Variants in EHBP1 observed in about 807,000 individuals in gnomAD.
The protein encoded by EHBP1 is EH domain binding protein 1.
A neutral mutation model predicts 144.0 loss-of-function variants in EHBP1; 55 were observed. That is an observed-to-expected ratio of 0.38 (90% CI 0.31 to 0.48). The LOEUF (loss-of-function observed/expected upper bound fraction) is 0.48. EHBP1 is among the 20% of genes least tolerant of loss of function. The pLI is 0.98. For missense variants in EHBP1, 1,200 were observed against 1,364.2 expected (o/e 0.88, Z 1.90); for synonymous variants, 469 against 472.7 (o/e 0.99, Z 0.10).
At position 62,920,134 on chromosome 2, in the gene EHBP1, A is replaced by C. The variant is rs544115600; in HGVS notation, c.1186-22584A>C. On this transcript the variant is annotated intron_variant, in intron 10 of 22. Transcript: ENST00000431489. ...ATGAATGTAAACATCTAAGATTAAC[A>C]AGTTCCAAGTAGGATGAACTCAAAA... 2.6e-5 allele frequency among the ~76,000 whole-genome samples: 4 copies of C among 152,308 alleles called. No individual in the cohort carries two copies. The East Asian group carries it at 7.7e-4, about 29-fold the overall frequency.
chr2:62,787,398 C>A (rs1362355615), intron 5 of EHBP1, among the ~76,000 whole-genome samples: 18 of 111,544 alleles, frequency 1.6e-4, no homozygotes, highest in South Asian at 8.4e-4. Context: ...ACCGCTGCCC[C>A]CCCCCCCCAC....
chr2:62,965,482 G>T (rs1388839798), intron 14 of EHBP1, among the ~76,000 whole-genome samples: 1 of 152,168 alleles, frequency 6.6e-6, no homozygotes, highest in East Asian at 1.9e-4. Flanking sequence ...TCACAAAGTA[G>T]ATATTCCCAT....
At chr2:62,842,534 C>G (rs1331637840) in intron 7 of EHBP1, among the ~76,000 whole-genome samples, 1 of 152,128 alleles carries the variant, frequency 6.6e-6, no homozygotes, top group African/African-American at 2.4e-5. Context: ...GACATTCAGA[C>G]CGTAATATAC....
At chr2:62,684,870 C>A (rs983424214) in intron 1 of EHBP1, among the ~76,000 whole-genome samples, 7 of 152,106 alleles carry the variant, frequency 4.6e-5, no homozygotes, top group African/African-American at 1.7e-4. Context: ...AACAAAGTAC[C>A]AAAAACTGGG....
chr2:62,939,367 T>A (rs976883029), intron 10 of EHBP1, among the ~76,000 whole-genome samples: 3 of 152,100 alleles, frequency 2.0e-5, no homozygotes, highest in African/African-American at 7.2e-5. Flanking sequence ...CTCTGCCTGC[T>A]GGTTCAAGCA....
At chr2:62,848,846 A>G (rs921864623) in intron 7 of EHBP1, among the ~76,000 whole-genome samples, 1 of 152,216 alleles carries the variant, frequency 6.6e-6, no homozygotes, top group African/African-American at 2.4e-5. Flanking sequence ...ATGGGTGTAT[A>G]TGTTTGTCAA....
intron 3 of EHBP1, among the ~76,000 whole-genome samples, chr2:62,748,924 A>G (rs1432686018): frequency 4.6e-5 from 7 of 152,174 alleles, no homozygotes; most frequent in African/African-American, 1.4e-4. Flanking sequence ...GATTTGATCA[A>G]TATGTATACT....
At chr2:62,900,311 C>G (rs1573968307) in intron 10 of EHBP1, among the ~76,000 whole-genome samples, 1 of 152,092 alleles carries the variant, frequency 6.6e-6, no homozygotes, top group Admixed American at 6.5e-5. Flanking sequence ...GGGAGGTTAT[C>G]TTACTTAAAA....
intron 5 of EHBP1, among the ~76,000 whole-genome samples, chr2:62,793,581 G>A (rs1458843098): frequency 6.6e-6 from 1 of 152,028 alleles, no homozygotes; most frequent in Non-Finnish European, 1.5e-5. Flanking sequence ...GGTGTGTGTG[G>A]TAAAAATGAA....
intron 2 of EHBP1, among the ~76,000 whole-genome samples, chr2:62,715,533 T>A (rs2035590848): frequency 6.6e-6 from 1 of 152,144 alleles, no homozygotes; most frequent in South Asian, 2.1e-4. Flanking sequence ...AAAGATTATA[T>A]TTTCCAGATT....
chr2:62,908,954 T>C (rs554650418), intron 10 of EHBP1, among the ~76,000 whole-genome samples: 2 of 152,346 alleles, frequency 1.3e-5, no homozygotes, highest in East Asian at 1.9e-4. Context: ...AATGTCTTAA[T>C]ACATTTTTGT....
chr2:62,880,642 A>G (rs747803099), intron 10 of EHBP1, among the ~76,000 whole-genome samples: 25 of 152,186 alleles, frequency 1.6e-4, no homozygotes, highest in Non-Finnish European at 1.2e-4. Context: ...CATCGAGTAT[A>G]TGAGAAAAAA....
chr2:62,930,507 T>G (rs1186076035), intron 10 of EHBP1, among the ~76,000 whole-genome samples: 1 of 152,200 alleles, frequency 6.6e-6, no homozygotes, highest in South Asian at 2.1e-4. Context: ...ATAATGTTTT[T>G]TGTAAAAATA....
At chr2:62,798,089 G>A (rs369759561) in intron 5 of EHBP1, among the ~76,000 whole-genome samples, 56 of 152,282 alleles carry the variant, frequency 3.7e-4, no homozygotes, top group South Asian at 6.2e-4. Flanking sequence ...AATAAAGGCC[G>A]GGTGTGGTGG....
intron 13 of EHBP1, among the ~76,000 whole-genome samples, chr2:62,949,922 C>G (rs893947725): frequency 2.6e-5 from 4 of 152,002 alleles, no homozygotes; most frequent in African/African-American, 9.7e-5. Context: ...GTTATGATAC[C>G]TGGTTTTCCT....
chr2:62,976,925 T>G (rs1240356094), intron 14 of EHBP1, among the ~76,000 whole-genome samples: 1 of 150,222 alleles, frequency 6.7e-6, no homozygotes, highest in Non-Finnish European at 1.5e-5. Flanking sequence ...AATTTCTGAG[T>G]TTTTTTTCCC....
At chr2:62,867,056 C>A (rs2050099296) in intron 9 of EHBP1, among the ~76,000 whole-genome samples, 1 of 151,950 alleles carries the variant, frequency 6.6e-6, no homozygotes. Flanking sequence ...AATGATACTA[C>A]TTGAAAATTT....
At chr2:62,951,123 A>G (rs551376058) in intron 13 of EHBP1, among the ~76,000 whole-genome samples, 132 of 152,320 alleles carry the variant, frequency 8.7e-4, no homozygotes, top group Non-Finnish European at 1.6e-3. Context: ...ATCTGGAGTT[A>G]TGTTTCTTTC....
intron 1 of EHBP1, among the ~76,000 whole-genome samples, chr2:62,676,864 A>T (rs1429158813): frequency 1.3e-5 from 2 of 152,180 alleles, no homozygotes; most frequent in Non-Finnish European, 2.9e-5. Flanking sequence ...GGGGATAAAG[A>T]TCTCTAATAC....
Sources: allele counts gnomAD v4.1 joint callset (sites outside exome capture counted in the v4.1 genomes callset), GRCh38; gene constraint gnomAD v4.1.1; transcripts MANE v1.5; gene names NCBI Gene and HGNC (gene_info 2026-07-23, HGNC 2026-07-21).